Variants in SPHKAP observed in about 807,000 individuals in gnomAD.
SPHKAP encodes A-kinase anchor protein SPHKAP.
A neutral mutation model predicts 137.5 loss-of-function variants in SPHKAP; 67 were observed. The observed-to-expected ratio is 0.49, with a 90% CI of 0.40 to 0.60. SPHKAP has a LOEUF of 0.60. Among genes scored for constraint, SPHKAP ranks in the 20% least tolerant of loss-of-function variants. The pLI is 0.00. For synonymous variants in SPHKAP, 813 were observed against 785.3 expected (o/e 1.04, Z -0.59); for missense variants, 2,097 against 2,069.3 (o/e 1.01, Z -0.26).
chr2:228,084,158 A>G (rs1697464018), intron 3 of SPHKAP, among the ~76,000 whole-genome samples: 1 of 152,100 alleles, frequency 6.6e-6, no homozygotes, highest in East Asian at 1.9e-4. Context: ...CTAGAATGCA[A>G]TGGTGTTTAA....
intron 3 of SPHKAP, among the ~76,000 whole-genome samples, chr2:228,107,867 C>T (rs558335741): frequency 6.6e-6 from 1 of 152,298 alleles, no homozygotes; most frequent in African/African-American, 2.4e-5. Flanking sequence ...CGAAAAGCAG[C>T]AGAATCATAA....
chr2:228,039,515 T>C (rs1181742168), intron 3 of SPHKAP, among the ~76,000 whole-genome samples: 1 of 152,206 alleles, frequency 6.6e-6, no homozygotes, highest in Non-Finnish European at 1.5e-5. Context: ...TTTTCATAAA[T>C]GAAGTTCCAT....
At chr2:228,095,790 T>C (rs1378070405) in intron 3 of SPHKAP, among the ~76,000 whole-genome samples, 1 of 152,200 alleles carries the variant, frequency 6.6e-6, no homozygotes, top group Admixed American at 6.5e-5. Flanking sequence ...GAGAACTATA[T>C]GCAAGAATAT....
At chr2:228,073,464 T>C (rs954793449) in intron 3 of SPHKAP, among the ~76,000 whole-genome samples, 4 of 152,168 alleles carry the variant, frequency 2.6e-5, no homozygotes, top group Non-Finnish European at 5.9e-5. Flanking sequence ...GGATAGAAGA[T>C]GGAGGAATCT....
At chr2:228,012,180 AAAAAAAAAGAAAG>A (rs1694405985) in intron 7 of SPHKAP, among the ~76,000 whole-genome samples, 1 of 110,852 alleles carries the variant, frequency 9.0e-6, no homozygotes, top group East Asian at 4.4e-4. Context: ...AAAAAAAAAA[AAAAAAAAAGAAAG>A]AAAGAAAGAA....
chr2:228,010,112 G>A (rs1694310528), intron 7 of SPHKAP, among the ~76,000 whole-genome samples: 1 of 152,096 alleles, frequency 6.6e-6, no homozygotes, highest in South Asian at 2.1e-4. Context: ...GTCTGAAAAG[G>A]CAATCCAGAT....
chr2:228,006,841 C>G (rs1156711415), intron 7 of SPHKAP, among the ~76,000 whole-genome samples: 2 of 152,314 alleles, frequency 1.3e-5, no homozygotes, highest in South Asian at 2.1e-4. Flanking sequence ...GCAGTGGAGG[C>G]TGCAGAACAG....
intron 1 of SPHKAP, among the ~76,000 whole-genome samples, chr2:228,155,499 C>T (rs1237589899): frequency 6.6e-6 from 1 of 152,010 alleles, no homozygotes; most frequent in Non-Finnish European, 1.5e-5. Flanking sequence ...TCCAAATAGC[C>T]AAAGTTCAAG....
In SPHKAP at chr2:228,181,575, C is replaced by T. The variant is rs1018089334; in HGVS notation, c.24G>A (p.Ser8=). 6.2e-6 allele frequency: 10 copies of T among 1,614,166 alleles called. No homozygotes were observed. The highest frequency in any genetic ancestry group is 2.7e-5 in the African/African-American group (2 of 75,040). Residue 8 remains serine, a synonymous_variant, in exon 1 of 12, where the codon TCG becomes TCA. Transcript: ENST00000392056. This position sits in a 1 kb window ranked among gnomAD's most constrained non-coding sequence, Gnocchi z 4.3. MDGNSLL[S]VPSNLESSRM... ...AAAGAAGCGGGTCTTACCTTGGTAC[C>T]GAGAGCAGGGAGTTGCCATCCATTG...
chr2:228,097,662 CA>C (rs1698028326), intron 3 of SPHKAP, among the ~76,000 whole-genome samples: 1 of 152,144 alleles, frequency 6.6e-6, no homozygotes, highest in South Asian at 2.1e-4. Flanking sequence ...CCTCTTCCCA[CA>C]CTCCATCTCT....
At chr2:228,057,118 C>A (rs1696475994) in intron 3 of SPHKAP, among the ~76,000 whole-genome samples, 1 of 152,082 alleles carries the variant, frequency 6.6e-6, no homozygotes, top group African/African-American at 2.4e-5. Flanking sequence ...TCTTCTATAC[C>A]ACGAATGAAG....
chr2:228,090,188 C>G (rs1412555675), intron 3 of SPHKAP, among the ~76,000 whole-genome samples: 2 of 152,154 alleles, frequency 1.3e-5, no homozygotes, highest in Non-Finnish European at 2.9e-5. Flanking sequence ...TGCCAAAGGC[C>G]ATAAGAGCCC....
chr2:228,179,793 T>C (rs1349255107), intron 1 of SPHKAP, among the ~76,000 whole-genome samples: 4 of 152,224 alleles, frequency 2.6e-5, no homozygotes, highest in Non-Finnish European at 2.9e-5. Flanking sequence ...TGTAATAAAT[T>C]ACTGGCACAA....
chr2:228,019,668 CTAA>C lies in SPHKAP; in HGVS notation c.1183_1185del (p.Leu395del), dbSNP rs1694758697. 6.2e-7 allele frequency: 1 copy of C among 1,614,156 alleles called. No individual in the cohort carries two copies. Among genetic ancestry groups the C allele is most frequent in the Non-Finnish European group, 8.5e-7 (1 of 1,180,010 alleles). ...AATGCATCCTGCAGCACGGATTCTGCTAAATTTGTAGCATACTTGCCAGTGGTG... is the reference window on the plus strand; with the variant it reads ...AATGCATCCTGCAGCACGGATTCTGCATTTGTAGCATACTTGCCAGTGGTG... On this transcript the variant is annotated inframe_deletion, in exon 7 of 12. Transcript: ENST00000392056.
intron 3 of SPHKAP, among the ~76,000 whole-genome samples, chr2:228,077,087 A>ATGTTGAGTCTGTGAG (rs1559160622): frequency 6.6e-6 from 1 of 152,178 alleles, no homozygotes; most frequent in East Asian, 1.9e-4. Flanking sequence ...CTTCCACATG[A>ATGTTGAGTCTGTGAG]TGTTGAGTCT....
At chr2:228,034,831 C>T (rs528345708) in intron 3 of SPHKAP, among the ~76,000 whole-genome samples, 143 of 152,250 alleles carry the variant, frequency 9.4e-4, no homozygotes, top group Non-Finnish European at 1.6e-3. Context: ...AATTCAACAA[C>T]GCTTCATGCT....
chr2:228,065,283 C>T (rs927758019), intron 3 of SPHKAP, among the ~76,000 whole-genome samples: 1 of 152,196 alleles, frequency 6.6e-6, no homozygotes, highest in Non-Finnish European at 1.5e-5. Context: ...GAAACAGCCA[C>T]AGACTAGTTT....
intron 5 of SPHKAP, among the ~76,000 whole-genome samples, chr2:228,023,685 A>G (rs1435335094): frequency 6.6e-6 from 1 of 152,176 alleles, no homozygotes; most frequent in Non-Finnish European, 1.5e-5. Flanking sequence ...TATGCAAATT[A>G]TGCAAGGAGG....
intron 3 of SPHKAP, among the ~76,000 whole-genome samples, chr2:228,088,502 G>A (rs545423433): frequency 1.3e-5 from 2 of 152,246 alleles, no homozygotes; most frequent in African/African-American, 4.8e-5. Context: ...AAGAAGTTAA[G>A]CAGGAGTACA....
Sources: gnomAD v4.1 joint callset for allele counts (sites outside exome capture counted in the v4.1 genomes callset) on GRCh38, gnomAD v4.1.1 for gene constraint, Gnocchi (gnomAD v3.1) non-coding constraint, MANE v1.5 for transcripts, NCBI Gene and HGNC (gene_info 2026-07-23, HGNC 2026-07-21) for gene names.